ASIC2: variants seen among roughly 807,000 people sequenced by gnomAD.
The protein encoded by ASIC2 is acid-sensing ion channel 2.
In ASIC2, 25 loss-of-function variants were observed where a neutral mutation model predicts 57.3. That is an observed-to-expected ratio of 0.44 (90% confidence interval 0.32 to 0.61). The LOEUF is 0.61. Among genes scored for constraint, ASIC2 ranks in the 20% least tolerant of loss-of-function variants. The pLI is 0.06. For missense variants in ASIC2, 641 were observed against 738.1 expected, an observed-to-expected ratio of 0.87 and a Z score of 1.52; for synonymous variants, 319 against 307.5, an observed-to-expected ratio of 1.04 and a Z score of -0.39.
At chr17:34,095,310 C>A (rs1404641944) in intron 1 of ASIC2, among the ~76,000 whole-genome samples, 1 of 152,126 alleles carries the variant, frequency 6.6e-6, no homozygotes, top group Non-Finnish European at 1.5e-5. Context: ...CTCTTCAGAA[C>A]AAGACTACTC....
At chr17:33,500,484 C>T (rs1914068503) in intron 1 of ASIC2, among the ~76,000 whole-genome samples, 3 of 152,212 alleles carry the variant, frequency 2.0e-5, no homozygotes, top group Admixed American at 2.0e-4. Flanking sequence ...CCATTGGGTC[C>T]ATTCCAGGTC....
At chr17:33,703,457 A>G (rs1439543668) in intron 1 of ASIC2, among the ~76,000 whole-genome samples, 1 of 151,650 alleles carries the variant, frequency 6.6e-6, no homozygotes, top group Non-Finnish European at 1.5e-5. Context: ...GGCTCAAGTG[A>G]TCCTCCCACC....
intron 1 of ASIC2, among the ~76,000 whole-genome samples, chr17:33,690,687 A>G (rs1660389127): frequency 6.9e-6 from 1 of 144,200 alleles, no homozygotes; most frequent in Non-Finnish European, 1.5e-5. Context: ...AGACTTGCAT[A>G]TTTTCATTTC....
intron 1 of ASIC2, among the ~76,000 whole-genome samples, chr17:34,061,923 T>C (rs2142061311): frequency 6.6e-6 from 1 of 152,270 alleles, no homozygotes; most frequent in Admixed American, 6.5e-5. Flanking sequence ...AACACAGTAA[T>C]AGTGGGGAGC....
chr17:33,083,810 C>T (rs2092123636), intron 3 of ASIC2, among the ~76,000 whole-genome samples: 1 of 152,020 alleles, frequency 6.6e-6, no homozygotes, highest in African/African-American at 2.4e-5. Context: ...ACTCCAGAGC[C>T]ATTCTAAGGG....
At chr17:33,596,932 G>A (rs1032934630) in intron 1 of ASIC2, among the ~76,000 whole-genome samples, 5 of 152,224 alleles carry the variant, frequency 3.3e-5, no homozygotes, top group Admixed American at 1.3e-4. Context: ...AAGTCAAACA[G>A]CTCATGGATG....
intron 1 of ASIC2, among the ~76,000 whole-genome samples, chr17:33,120,540 C>T (rs1325508843): frequency 2.6e-5 from 4 of 152,194 alleles, no homozygotes; most frequent in African/African-American, 9.7e-5. Flanking sequence ...CCTGGAAAGG[C>T]ATTCAAGATG....
intron 1 of ASIC2, among the ~76,000 whole-genome samples, chr17:33,545,997 A>G (rs909293255): frequency 8.5e-5 from 13 of 152,116 alleles, no homozygotes; most frequent in African/African-American, 3.1e-4. Flanking sequence ...TTTTGTCTAG[A>G]ATTCCTTCTC....
At chr17:33,601,352 T>A (rs896663988) in intron 1 of ASIC2, among the ~76,000 whole-genome samples, 2 of 152,138 alleles carry the variant, frequency 1.3e-5, no homozygotes, top group African/African-American at 4.8e-5. Context: ...TCCAAAGAAG[T>A]GCCCAGAGGA....
intron 1 of ASIC2, among the ~76,000 whole-genome samples, chr17:34,115,555 T>C (rs187625214): frequency 2.4e-4 from 36 of 152,232 alleles, no homozygotes; most frequent in Admixed American, 1.0e-3. Flanking sequence ...TTAATTGTTT[T>C]TCATTCATTC....
At chr17:33,863,135 G>A (rs185131143) in intron 1 of ASIC2, among the ~76,000 whole-genome samples, 2 of 152,376 alleles carry the variant, frequency 1.3e-5, no homozygotes, top group Non-Finnish European at 2.9e-5. Flanking sequence ...CAGATGATCT[G>A]TCTTGAATAT....
chr17:33,571,387 G>A (rs1266300735), intron 1 of ASIC2, among the ~76,000 whole-genome samples: 1 of 152,156 alleles, frequency 6.6e-6, no homozygotes, highest in Non-Finnish European at 1.5e-5. Context: ...GTTTCCTAGA[G>A]GAACTTTGTT....
At chr17:33,496,160 A>T (rs966989247) in intron 1 of ASIC2, among the ~76,000 whole-genome samples, 2 of 152,214 alleles carry the variant, frequency 1.3e-5, no homozygotes, top group African/African-American at 4.8e-5. Context: ...GGAAAGGCAG[A>T]AGAACAGAAA....
intron 1 of ASIC2, among the ~76,000 whole-genome samples, chr17:33,194,862 C>G (rs963217172): frequency 6.6e-6 from 1 of 152,204 alleles, no homozygotes; most frequent in African/African-American, 2.4e-5. Context: ...CCATCAGTTT[C>G]CCTCACCAGC....
rs987303151 is a variant in ASIC2, at chr17:33,025,991, A to C, written c.1139-9T>G. The C allele has an allele frequency of 6.2e-7, 1 of 1,613,474 alleles. No homozygotes were observed. The highest frequency in any genetic ancestry group is 1.3e-5 in the African/African-American group (1 of 75,024). On this transcript the variant is annotated splice_polypyrimidine_tract_variant and intron_variant, in intron 4 of 9. Coordinates refer to ENST00000225823, the MANE Select transcript of ASIC2 (RefSeq NM_183377.2). Reference sequence around the variant, plus strand: ...ACAAAAAGGGGCATCCCCTGCAAAGAAGAAACACCAGACAGAGTTACTCAG... The same window carrying C: ...ACAAAAAGGGGCATCCCCTGCAAAGCAGAAACACCAGACAGAGTTACTCAG...
intron 1 of ASIC2, among the ~76,000 whole-genome samples, chr17:33,306,133 G>C (rs1390507334): frequency 6.6e-6 from 1 of 152,102 alleles, no homozygotes; most frequent in Non-Finnish European, 1.5e-5. Flanking sequence ...TTCCCTGAAG[G>C]AATAAACGAT....
chr17:33,757,261 G>A lies in ASIC2; in HGVS notation c.555+398717C>T, dbSNP rs1424667438. Among the ~76,000 whole-genome samples, 3 of 152,196 alleles carry A rather than the reference G, an allele frequency of 2.0e-5. No homozygotes were observed. The East Asian group carries it at 5.8e-4, about 29-fold the overall frequency. ...TGTCCCTATTCTAACAAGGGACAAA[G>A]TGAAGACACTTTCTCACTTGGGACT... On this transcript the variant is annotated intron_variant, in intron 1 of 9. Coordinates refer to the ASIC2 transcript ENST00000359872.
intron 1 of ASIC2, among the ~76,000 whole-genome samples, chr17:34,145,534 A>G (rs544093776): frequency 6.6e-6 from 1 of 152,340 alleles, no homozygotes; most frequent in East Asian, 1.9e-4. Flanking sequence ...GGCAGGGTAC[A>G]GGGTGCTCTA....
rs1029734040 is a variant in ASIC2 at position 33,619,488 on chromosome 17, GGA to G, written c.556-507423_556-507422del. ...TAGAAAAGGATTCAAGGGTAAGGTT[GGA>G]GAGAGAGCACGAATTCACAGAATCA... On this transcript the variant is annotated intron_variant, in intron 1 of 9. Transcript: ENST00000359872. Among the ~76,000 whole-genome samples, 6 of 152,284 alleles carry G rather than the reference GGA, an allele frequency of 3.9e-5. No homozygotes were observed. The South Asian group carries it at 6.2e-4, about 16-fold the overall frequency.
Sources: allele counts gnomAD v4.1 joint callset (sites outside exome capture counted in the v4.1 genomes callset), GRCh38; gene constraint gnomAD v4.1.1; transcripts MANE v1.5; gene names NCBI Gene and HGNC (gene_info 2026-07-23, HGNC 2026-07-21).